The following SPATA13 variants were observed in gnomAD, a reference collection of about 807,000 sequenced individuals.
The protein encoded by SPATA13 is spermatogenesis-associated protein 13.
SPATA13 carries 50 observed loss-of-function variants against 104.0 expected under a neutral mutation model. The observed-to-expected ratio is 0.48, with a 90% CI of 0.38 to 0.61. SPATA13 has a LOEUF of 0.61. Among genes scored for constraint, SPATA13 ranks in the 20% least tolerant of loss-of-function variants. SPATA13 has a pLI of 0.00. For synonymous variants in SPATA13, 606 were observed against 667.5 expected (o/e 0.91, Z 1.42); for missense variants, 1,524 against 1,690.6 (o/e 0.90, Z 1.73).
At chr13:24,091,647 C>G (rs1047493395) in intron 3 of SPATA13, among the ~76,000 whole-genome samples, 1 of 152,120 alleles carries the variant, frequency 6.6e-6, no homozygotes, top group Non-Finnish European at 1.5e-5. Flanking sequence ...CTCGTTTCTA[C>G]TAAAAATACA....
At chr13:24,130,817 G>A (rs1263963269) in intron 3 of SPATA13, among the ~76,000 whole-genome samples, 1 of 152,212 alleles carries the variant, frequency 6.6e-6, no homozygotes, top group Non-Finnish European at 1.5e-5. Context: ...CATTCAGATG[G>A]TGACTGCTTT....
chr13:24,282,875 C>G (rs144992097), intron 4 of SPATA13, among the ~76,000 whole-genome samples: 1 of 152,228 alleles, frequency 6.6e-6, no homozygotes, highest in Non-Finnish European at 1.5e-5. Flanking sequence ...CACAGAAGGG[C>G]AGGACCAGAA....
chr13:24,213,424 G>A (rs906981774), intron 1 of SPATA13, among the ~76,000 whole-genome samples: 3 of 152,118 alleles, frequency 2.0e-5, no homozygotes, highest in African/African-American at 7.2e-5. Flanking sequence ...GGGCCACCAT[G>A]CCCGGCTAAT....
rs1425794098 is a variant in SPATA13, at chr13:24,302,612, C to G, written c.3673C>G (p.Pro1225Ala). 1 of 1,609,372 alleles carries G rather than the reference C, an allele frequency of 6.2e-7. No homozygotes were observed. The highest frequency in any genetic ancestry group is 1.7e-4 in the Middle Eastern group (1 of 6,038). The change falls in exon 13 of 13, where the codon CCT (proline) becomes GCT (alanine). Residue 1225 changes from proline (P) to alanine (A), a missense_variant. Pro to Ala is a conservative substitution (Grantham distance 27, BLOSUM62 -1). Around this residue, in one of 2 missense-constraint regions of SPATA13, gnomAD observed 435 missense variants for 554.8 expected, o/e 0.78. Transcript: ENST00000382108. ...HGKSKGYNRC[P>A]VAPPHQGLHP... is the part of the protein sequence containing the mutation. Reference sequence around the variant, plus strand: ...TCCCGAGTCAGGCTACAACAGGTGCCCTGTGGCCCCACCGCACCAGGGCCT... The same window carrying G: ...TCCCGAGTCAGGCTACAACAGGTGCGCTGTGGCCCCACCGCACCAGGGCCT...
chr13:24,222,892 T>C lies in SPATA13; in HGVS notation c.-38T>C. Reference sequence around the variant, plus strand: ...GACGGCATTCCTGGAGATGAAGGCCTGGAGCTGCGGTCTGCGGACTCGGCA... The same window carrying C: ...GACGGCATTCCTGGAGATGAAGGCCCGGAGCTGCGGTCTGCGGACTCGGCA... On this transcript the variant is annotated 5_prime_UTR_variant, in exon 2 of 13. Coordinates refer to ENST00000382108, the MANE Select transcript of SPATA13 (RefSeq NM_001166271.3). 6.5e-7 allele frequency: 1 copy of C among 1,549,044 alleles called. No homozygotes were observed. The highest frequency in any genetic ancestry group is 8.7e-7 in the Non-Finnish European group (1 of 1,145,472).
intron 2 of SPATA13, among the ~76,000 whole-genome samples, chr13:24,230,922 G>A (rs1461369766): frequency 6.6e-6 from 1 of 152,184 alleles, no homozygotes; most frequent in African/African-American, 2.4e-5. Flanking sequence ...CGTGGCTGGG[G>A]TTGATCAGAC....
chr13:24,291,749 T>TTTTTTTTTATTTTTTA lies in SPATA13; in HGVS notation c.3080+871_3080+872insTTATTTTTTATTTTTT, dbSNP rs1555277158. On this transcript the variant is annotated intron_variant, in intron 9 of 12. Coordinates refer to ENST00000382108, the MANE Select transcript of SPATA13 (RefSeq NM_001166271.3). ...CTCTCTCTCTGTCTTTATTTTTTTA[T>TTTTTTTTTATTTTTTA]TTTTTTATTTTTTTTTTTGAGACGG... 7.8e-4 allele frequency among the ~76,000 whole-genome samples: 62 copies of TTTTTTTTTATTTTTTA among 79,716 alleles called. 1 individual carries two copies. Among genetic ancestry groups the TTTTTTTTTATTTTTTA allele is most frequent in the Admixed American group, 1.4e-3 (10 of 7,282 alleles). The allele number at this position is 79,716 out of a possible 152,430, so 52.3% of individuals were successfully genotyped here.
intron 1 of SPATA13, among the ~76,000 whole-genome samples, chr13:24,219,275 A>G: frequency 6.6e-6 from 1 of 152,144 alleles, no homozygotes; most frequent in African/African-American, 2.4e-5. Context: ...TTTTTTCCAT[A>G]ATTTTCAGTT....
intron 1 of SPATA13, among the ~76,000 whole-genome samples, chr13:24,186,809 G>A (rs60404353): frequency 0.043 from 6,555 of 152,246 alleles, 435 homozygotes; most frequent in African/African-American, 0.14. Flanking sequence ...AAAAGGGAAG[G>A]AAGAGCTGGA....
At chr13:24,287,611 A>T (rs1387994613) in intron 7 of SPATA13, among the ~76,000 whole-genome samples, 2 of 152,230 alleles carry the variant, frequency 1.3e-5, no homozygotes, top group Non-Finnish European at 2.9e-5. Context: ...GCTGCATCTA[A>T]TCACCAACTG....
chr13:24,300,619 G>C, intron 12 of SPATA13, 144 bp downstream of exon 12: 1 of 717,176 alleles, frequency 1.4e-6, no homozygotes, highest in Non-Finnish European at 2.5e-6. Context: ...TCCAGAACAG[G>C]GGCCAGGTGA....
intron 1 of SPATA13, among the ~76,000 whole-genome samples, chr13:24,221,264 T>C (rs1399897428): frequency 6.6e-6 from 1 of 152,214 alleles, no homozygotes; most frequent in Non-Finnish European, 1.5e-5. Flanking sequence ...TGTGACCTCT[T>C]AGGTTTCTGT....
At chr13:24,142,461 C>T (rs747663541) in intron 3 of SPATA13, among the ~76,000 whole-genome samples, 11 of 152,126 alleles carry the variant, frequency 7.2e-5, no homozygotes, top group Non-Finnish European at 1.6e-4. Flanking sequence ...ATTTCTCCCC[C>T]CTCAGTTTTG....
intron 2 of SPATA13, among the ~76,000 whole-genome samples, chr13:23,992,310 G>A (rs1193117529): frequency 6.6e-6 from 1 of 152,194 alleles, no homozygotes; most frequent in Non-Finnish European, 1.5e-5. Flanking sequence ...GCAGCATGAG[G>A]TATATAAGGT....
At chr13:24,173,287 C>T (rs748320620) in intron 1 of SPATA13, among the ~76,000 whole-genome samples, 18 of 151,524 alleles carry the variant, frequency 1.2e-4, no homozygotes, top group Non-Finnish European at 1.8e-4. Context: ...CCATGTTAGC[C>T]GGGATAGACA....
chr13:24,069,339 C>T (rs1010746652), intron 3 of SPATA13, among the ~76,000 whole-genome samples: 2 of 152,168 alleles, frequency 1.3e-5, no homozygotes, highest in African/African-American at 4.8e-5. Flanking sequence ...TCTTTCACCT[C>T]CCTGGTTAGC....
chr13:24,269,597 CT>C (rs1292418252), intron 4 of SPATA13, among the ~76,000 whole-genome samples: 1 of 151,666 alleles, frequency 6.6e-6, no homozygotes, highest in Non-Finnish European at 1.5e-5. Context: ...GAGACAGGAT[CT>C]TATTCTGTCA....
intron 3 of SPATA13, among the ~76,000 whole-genome samples, chr13:24,026,191 C>A (rs2137708214): frequency 6.6e-6 from 1 of 152,276 alleles, no homozygotes; most frequent in Non-Finnish European, 1.5e-5. Flanking sequence ...TCATGATGAA[C>A]AGAAGTTCTT....
chr13:24,213,857 A>T (rs998012023), intron 1 of SPATA13, among the ~76,000 whole-genome samples: 1 of 152,232 alleles, frequency 6.6e-6, no homozygotes, highest in African/African-American at 2.4e-5. Flanking sequence ...TGATATTTAG[A>T]ATACTACTTG....
Sources: gnomAD v4.1 joint callset for allele counts (sites outside exome capture counted in the v4.1 genomes callset) on GRCh38, gnomAD v4.1.1 for gene constraint, gnomAD v4.1.1 regional missense constraint, MANE v1.5 for transcripts, NCBI Gene and HGNC (gene_info 2026-07-23, HGNC 2026-07-21) for gene names.